Variants in CTNNAL1 observed in about 807,000 individuals in gnomAD.
CTNNAL1 encodes the protein catenin alpha like 1, also known as alpha-catulin.
Under a neutral mutation model 93.6 loss-of-function variants are expected in CTNNAL1, and 69 were observed. That is an observed-to-expected ratio of 0.74 (90% CI 0.61 to 0.90). The LOEUF (loss-of-function observed/expected upper bound fraction) is 0.90. Among genes scored for constraint, CTNNAL1 ranks in the 40% least tolerant of loss-of-function variants. CTNNAL1 has a pLI of 0.00. For synonymous variants in CTNNAL1, 286 were observed against 305.4 expected (o/e 0.94, Z 0.66); for missense variants, 836 against 862.0 (o/e 0.97, Z 0.38).
intron 11 of CTNNAL1, among the ~76,000 whole-genome samples, chr9:108,956,596 T>G (rs1182475273): frequency 6.6e-6 from 1 of 152,234 alleles, no homozygotes; most frequent in Non-Finnish European, 1.5e-5. Flanking sequence ...TAGAATAGTT[T>G]GAACCATATG....
Position 108,983,284 on chromosome 9 carries a change from G to C in CTNNAL1, c.761C>G (p.Ala254Gly). Reference protein sequence around the residue: ...TCLRHPNCESAHKNKEGVFDR... With the variant: ...TCLRHPNCESGHKNKEGVFDR... The stretch of plus-strand genomic sequence containing the variant: ...AAATACTCCTTCTTTGTTTTTATGG[G>C]CTGATTCGCAGTTAGGATGCCTCAG... The change falls in exon 6 of 19, where the codon GCC becomes GGC. Residue 254 changes from alanine (A) to glycine (G), a missense_variant. Transcript: ENST00000325551. The C allele has an allele frequency of 6.4e-7, 1 of 1,560,944 alleles. No homozygotes were observed. The highest frequency in any genetic ancestry group is 8.7e-7 in the Non-Finnish European group (1 of 1,154,540).
At chr9:108,992,454 G>A (rs1831845889) in intron 3 of CTNNAL1, among the ~76,000 whole-genome samples, 178 bp downstream of exon 3, 2 of 151,124 alleles carry the variant, frequency 1.3e-5, no homozygotes, top group African/African-American at 2.4e-5. Flanking sequence ...AGGGCCACAA[G>A]TGCATTCAAC....
intron 2 of CTNNAL1, among the ~76,000 whole-genome samples, chr9:108,997,870 C>T (rs1213344385): frequency 6.6e-6 from 1 of 152,204 alleles, no homozygotes; most frequent in Non-Finnish European, 1.5e-5. Flanking sequence ...CTGTGACAAC[C>T]TCCTAACTGG....
intron 1 of CTNNAL1, among the ~76,000 whole-genome samples, chr9:109,009,530 G>T (rs147081210): frequency 6.6e-6 from 1 of 151,868 alleles, no homozygotes; most frequent in Non-Finnish European, 1.5e-5. Context: ...CTGTTCTAGG[G>T]TTTTCTATTC....
At chr9:108,965,116 C>T (rs914936768) in intron 11 of CTNNAL1, among the ~76,000 whole-genome samples, 86 of 152,228 alleles carry the variant, frequency 5.6e-4, no homozygotes, top group African/African-American at 2.0e-3. Context: ...CTGCCTTGGC[C>T]TCCCAAAGCG....
intron 2 of CTNNAL1, among the ~76,000 whole-genome samples, chr9:108,994,990 AG>A (rs1417487461): frequency 6.6e-6 from 1 of 152,224 alleles, no homozygotes; most frequent in East Asian, 1.9e-4. Context: ...TCAAGCTTCC[AG>A]GTAACAGAGG....
Position 108,972,696 on chromosome 9 carries a change from T to C in CTNNAL1, c.1326A>G (p.Glu442=). 2.5e-6 allele frequency: 4 copies of C among 1,613,486 alleles called. No individual in the cohort carries two copies. The highest frequency in any genetic ancestry group is 3.4e-6 in the Non-Finnish European group (4 of 1,179,860). The change falls in exon 9 of 19, where the codon GAA becomes GAG. Residue 442 remains glutamate, a synonymous_variant. Transcript: ENST00000325551. ...ALAEYACKLS[E]QKEQLVETCR... ...TCACCTCAACAAGCTGCTCTTTCTG[T>C]TCAGAGAGTTTACAGGCATATTCAG...
intron 11 of CTNNAL1, among the ~76,000 whole-genome samples, chr9:108,959,364 C>CAAAAAA (rs36116094): frequency 1.4e-3 from 79 of 55,804 alleles, no homozygotes; most frequent in African/African-American, 2.3e-3. Context: ...GACTCCATAT[C>CAAAAAA]AAAAAAAAAA....
rs1226422851 is a variant in CTNNAL1, at chr9:108,979,395, C to T, written c.987G>A (p.Met329Ile). The change falls in exon 7 of 19, where the codon ATG (methionine) becomes ATA (isoleucine). Residue 329 changes from methionine (M) to isoleucine (I), a missense_variant. Coordinates refer to ENST00000325551, the MANE Select transcript of CTNNAL1 (RefSeq NM_003798.4). ...TGTAGGCAGAATCAGTAAAGTCCTCCATACGCTCCAAGATGACTTCCAATG... is the reference window on the plus strand; with the variant it reads ...TGTAGGCAGAATCAGTAAAGTCCTCTATACGCTCCAAGATGACTTCCAATG... ...SVTLEVILERMEDFTDSAYTS... is the reference protein window; with the variant it reads ...SVTLEVILERIEDFTDSAYTS... 3.7e-6 allele frequency: 6 copies of T among 1,613,996 alleles called. No individual in the cohort carries two copies. Among genetic ancestry groups the T allele is most frequent in the Non-Finnish European group, 5.1e-6 (6 of 1,180,010 alleles).
chr9:109,009,920 GCTCTTT>G (rs1216475541), intron 1 of CTNNAL1, among the ~76,000 whole-genome samples: 3 of 152,100 alleles, frequency 2.0e-5, no homozygotes, highest in African/African-American at 7.2e-5. Flanking sequence ...TAGAGATAGA[GCTCTTT>G]CTCTTTATAT....
rs192153518 is a variant in CTNNAL1 at position 108,989,911 on chromosome 9, C to T, written c.639+815G>A. Among the ~76,000 whole-genome samples, 723 of 152,024 alleles carry T rather than the reference C, an allele frequency of 4.8e-3. 8 individuals are homozygous for T. Among genetic ancestry groups the T allele is most frequent in the African/African-American group, 0.017 (688 of 41,478 alleles). ...CTAAAAATACAAAAAGTTAGCTGGG[C>T]GTGGTGGTGCATGCCTGTAGTCCCA... On this transcript the variant is annotated intron_variant, in intron 4 of 18. Transcript: ENST00000325551.
chr9:109,000,275 T>A (rs1398381907), intron 1 of CTNNAL1, among the ~76,000 whole-genome samples: 2 of 152,218 alleles, frequency 1.3e-5, no homozygotes, highest in Non-Finnish European at 2.9e-5. Context: ...CCTAAGGATG[T>A]ATCAGTGAAT....
At chr9:109,010,023 T>A (rs1229679196) in intron 1 of CTNNAL1, among the ~76,000 whole-genome samples, 1 of 152,120 alleles carries the variant, frequency 6.6e-6, no homozygotes, top group Non-Finnish European at 1.5e-5. Flanking sequence ...TTACTTTTTC[T>A]ATTTTTTTTT....
chr9:108,979,559 A>C (rs1831366457), intron 6 of CTNNAL1, 78 bp from the exon 7 acceptor site: 2 of 1,336,938 alleles, frequency 1.5e-6, no homozygotes, highest in East Asian at 2.4e-5. Context: ...AATTTCTAAC[A>C]GTGCCCAGGA....
chr9:108,991,293 C>T (rs1238458324), intron 3 of CTNNAL1, among the ~76,000 whole-genome samples: 2 of 152,044 alleles, frequency 1.3e-5, no homozygotes, highest in Non-Finnish European at 2.9e-5. Context: ...CAGAAGGAAC[C>T]TCATCATCTT....
Position 108,990,748 on chromosome 9 carries a change from T to C in CTNNAL1, c.617A>G (p.His206Arg). Residue 206 changes from histidine (H) to arginine (R), a missense_variant, in exon 4 of 19, where the codon CAT becomes CGT. Transcript: ENST00000325551. The stretch of plus-strand genomic sequence containing the variant: ...TACATTTTGTCTATCTCCACTCAGA[T>C]GTGCAAACTCCACCATTTCATTTCC... ...QFGNEMVEFA[H>R]LSGDRQNDLK... 1 of 1,613,454 alleles carries C rather than the reference T, an allele frequency of 6.2e-7. No homozygotes were observed.
Position 108,942,994 on chromosome 9 carries a change from T to C in CTNNAL1, c.2106A>G (p.Gln702=). ...KTRSMMALLV[Q]LLSLCYKLLK... ...GCAGTTTATAACAAAGTGAAAGAAG[T>C]TGGACTAAGAGAGCCATCATGGATC... The change falls in exon 18 of 19, where the codon CAA becomes CAG. Residue 702 remains glutamine, a synonymous_variant. Transcript: ENST00000325551. The C allele has an allele frequency of 6.2e-7, 1 of 1,613,044 alleles. No individual in the cohort carries two copies. The highest frequency in any genetic ancestry group is 8.5e-7 in the Non-Finnish European group (1 of 1,179,780).
At chr9:108,991,867 A>G in intron 3 of CTNNAL1, 2 of 567,428 alleles carry the variant, frequency 3.5e-6, no homozygotes, top group Admixed American at 3.4e-5. Flanking sequence ...GTGATCGTAC[A>G]TACCCTGGAT....
rs1190619234 is a variant in CTNNAL1 at position 108,943,743 on chromosome 9, G to A, written c.2015C>T (p.Thr672Ile). The A allele has an allele frequency of 1.9e-6, 3 of 1,613,642 alleles. No homozygotes were observed. Among genetic ancestry groups the A allele is most frequent in the Non-Finnish European group, 2.5e-6 (3 of 1,179,872 alleles). The change falls in exon 17 of 19, where the codon ACA becomes ATA. Residue 672 changes from threonine to isoleucine, a missense_variant. Transcript: ENST00000325551. ...KLIPLCHQLQ[T>I]VTKTSLQNKV... The stretch of plus-strand genomic sequence containing the variant: ...ATTCTGCAAAGAAGTCTTAGTTACT[G>A]TCTGGAGCTGGTGGCATAGAGGAAT...
Sources: gnomAD v4.1 joint callset for allele counts (sites outside exome capture counted in the v4.1 genomes callset) on GRCh38, gnomAD v4.1.1 for gene constraint, MANE v1.5 for transcripts, NCBI Gene and HGNC (gene_info 2026-07-23, HGNC 2026-07-21) for gene names.